The following CSMD2 variants were observed in gnomAD, a reference collection of about 807,000 sequenced individuals.
CSMD2 encodes the protein CUB and Sushi multiple domains 2, also known as CUB and sushi domain-containing protein 2.
A neutral mutation model predicts 398.5 loss-of-function variants in CSMD2; 130 were observed. The observed-to-expected ratio is 0.33, with a 90% confidence interval of 0.28 to 0.38. CSMD2 has a LOEUF of 0.38. Among genes scored for constraint, CSMD2 ranks in the 10% least tolerant of loss-of-function variants. The pLI, the probability that CSMD2 is intolerant of heterozygous loss-of-function variation, is 1.00. For synonymous variants in CSMD2, 1,828 were observed against 1,908.5 expected (o/e 0.96, Z 1.10); for missense variants, 3,829 against 4,764.9 (o/e 0.80, Z 5.78).
intron 1 of CSMD2, among the ~76,000 whole-genome samples, chr1:34,111,261 G>T (rs1184563360): frequency 1.3e-5 from 2 of 152,174 alleles, no homozygotes; most frequent in Non-Finnish European, 2.9e-5. Context: ...AAAGGCCTAG[G>T]AAACCAAACC....
chr1:33,655,887 C>A (rs117693638), intron 27 of CSMD2, among the ~76,000 whole-genome samples: 1 of 152,336 alleles, frequency 6.6e-6, no homozygotes, highest in East Asian at 1.9e-4. Context: ...CCACCCTACC[C>A]ACTGCACATT....
chr1:33,905,005 A>G (rs1271327382), intron 5 of CSMD2, among the ~76,000 whole-genome samples: 6 of 151,574 alleles, frequency 4.0e-5, no homozygotes, highest in Admixed American at 6.6e-5. Flanking sequence ...GGGTCTCCCT[A>G]TGTTGCTCAA....
At chr1:33,720,921 G>A (rs1646338611) in intron 19 of CSMD2, among the ~76,000 whole-genome samples, 1 of 152,030 alleles carries the variant, frequency 6.6e-6, no homozygotes, top group Admixed American at 6.6e-5. Context: ...GGCTGGCCTC[G>A]AACTCCCAAC....
At chr1:33,563,235 A>G (rs1404973471) in intron 53 of CSMD2, among the ~76,000 whole-genome samples, 1 of 151,762 alleles carries the variant, frequency 6.6e-6, no homozygotes, top group East Asian at 1.9e-4. Context: ...TTTATTGAAT[A>G]TGGTCTTAGA....
chr1:34,140,687 T>C (rs1639210281), intron 1 of CSMD2, among the ~76,000 whole-genome samples: 1 of 152,150 alleles, frequency 6.6e-6, no homozygotes. Context: ...TTACACAGGC[T>C]AGTACCAAGC....
At chr1:33,836,877 C>T (rs543662916) in intron 6 of CSMD2, among the ~76,000 whole-genome samples, 3 of 152,194 alleles carry the variant, frequency 2.0e-5, no homozygotes, top group African/African-American at 4.8e-5. Context: ...GTCCTGCACC[C>T]ACTCTCCGAC....
chr1:33,779,527 G>A lies in CSMD2; in HGVS notation c.1664-6776C>T, dbSNP rs76004484. ...ACCATATTTCCTCAGTGTTATTGTC[G>A]CTGCTGTTTGCAGAGCCCAGCCGCC... On this transcript the variant is annotated intron_variant, in intron 12 of 70. Transcript: ENST00000373381. Among the ~76,000 whole-genome samples, 12 of 152,294 alleles carry A rather than the reference G, an allele frequency of 7.9e-5. No homozygotes were observed. In the East Asian group the frequency reaches 1.2e-3, roughly 15 times the overall value.
Position 34,161,715 on chromosome 1 carries a change from G to C in CSMD2, c.187+3196C>G, listed in dbSNP as rs967315612. On this transcript the variant is annotated intron_variant, in intron 1 of 70. Transcript: ENST00000373381. Reference sequence around the variant, plus strand: ...ACAGAGGTTGAAGTAAGGAGTGACGGGTAGTAGAGAAAACTGACATGAAGA... The same window carrying C: ...ACAGAGGTTGAAGTAAGGAGTGACGCGTAGTAGAGAAAACTGACATGAAGA... Among the ~76,000 whole-genome samples, 79 of 152,240 alleles carry C rather than the reference G, an allele frequency of 5.2e-4. 1 individual carries two copies. Among genetic ancestry groups the C allele is most frequent in the African/African-American group, 1.8e-3 (73 of 41,528 alleles).
intron 5 of CSMD2, chr1:33,863,016 A>C (rs1639662899): frequency 6.6e-6 from 1 of 152,206 alleles, no homozygotes; most frequent in Non-Finnish European, 1.5e-5. Flanking sequence ...TGCAGGCAGG[A>C]TGAAGCACAG....
intron 22 of CSMD2, among the ~76,000 whole-genome samples, chr1:33,706,724 A>G (rs570748791): frequency 6.6e-6 from 1 of 152,260 alleles, no homozygotes; most frequent in Admixed American, 6.5e-5. Context: ...GCTAAACTCA[A>G]AGAGGCCGTA....
At chr1:33,542,183 A>G (rs922477865) in intron 58 of CSMD2, among the ~76,000 whole-genome samples, 3 of 152,214 alleles carry the variant, frequency 2.0e-5, no homozygotes, top group Admixed American at 2.0e-4. Context: ...CACTTTTCCC[A>G]GAAAAGAACT....
rs148199011 is a variant in CSMD2, at chr1:33,611,166, C to T, written c.6218G>A (p.Arg2073His). 1.5e-5 allele frequency: 24 copies of T among 1,613,932 alleles called. No homozygotes were observed. The highest frequency in any genetic ancestry group is 3.3e-4 in the Middle Eastern group (2 of 6,062). Reference sequence around the variant, plus strand: ...GCTTCCACTGAATCTTCCCATCATGCGGCTGGTCTCATAGGGGCCATTCCG... The same window carrying T: ...GCTTCCACTGAATCTTCCCATCATGTGGCTGGTCTCATAGGGGCCATTCCG... ...EIRNGPYETS[R>H]MMGRFSGSEL... Residue 2073 changes from arginine to histidine, a missense_variant, in exon 41 of 71, where the codon CGC (arginine) becomes CAC (histidine). Transcript: ENST00000373381.
chr1:33,991,639 G>C (rs1015902927), intron 3 of CSMD2, among the ~76,000 whole-genome samples: 2 of 152,232 alleles, frequency 1.3e-5, no homozygotes, highest in Middle Eastern at 3.4e-3. Context: ...AGGAAGACAC[G>C]GTCTTGCTGT....
chr1:33,872,671 G>C (rs1640558421), intron 5 of CSMD2, among the ~76,000 whole-genome samples: 1 of 152,100 alleles, frequency 6.6e-6, no homozygotes, highest in Non-Finnish European at 1.5e-5. Context: ...AGGTTTCTGA[G>C]AAAACCTATG....
chr1:33,807,438 T>A (rs889783076), intron 10 of CSMD2, among the ~76,000 whole-genome samples: 6 of 152,152 alleles, frequency 3.9e-5, no homozygotes, highest in Non-Finnish European at 8.8e-5. Context: ...CAAGAACTAA[T>A]AGAGTTTATC....
At position 34,160,468 on chromosome 1, in the gene CSMD2, T is replaced by C. The variant is rs1044213089; in HGVS notation, c.187+4443A>G. On this transcript the variant is annotated intron_variant, in intron 1 of 70. Transcript: ENST00000373381. ...GTAACCAAACGGTGATACTTAGTTG[T>C]GGGGAAAGGAACAGGGGACCAGATG... Among the ~76,000 whole-genome samples, 7 of 152,288 alleles carry C rather than the reference T, an allele frequency of 4.6e-5. No homozygotes were observed. In the East Asian group the frequency reaches 1.2e-3, roughly 25 times the overall value.
rs35450508 is a variant in CSMD2, at chr1:33,724,267, C to T, written c.2931G>A (p.Ser977=). The T allele has an allele frequency of 0.027, 44,247 of 1,613,636 alleles. 938 individuals are homozygous for T. The highest frequency in any genetic ancestry group is 0.12 in the East Asian group (5,421 of 44,840). Residue 977 remains serine, a synonymous_variant, in exon 19 of 71, where the codon TCG becomes TCA. Transcript: ENST00000373381. The stretch of plus-strand genomic sequence containing the variant: ...TGGGGTAGAAGTCAGGGAACCCTGG[C>T]GACAAGATGGTCCCACTGGAGCCTT... The part of the protein sequence containing the change: ...FIQGSSGTIL[S]PGFPDFYPNN...
chr1:34,108,540 G>T (rs1478865360), intron 1 of CSMD2, among the ~76,000 whole-genome samples: 5 of 152,202 alleles, frequency 3.3e-5, no homozygotes, highest in Non-Finnish European at 7.3e-5. Context: ...AATGTCCTCA[G>T]GGGAGGCTGT....
At position 33,683,365 on chromosome 1, in the gene CSMD2, T is replaced by C. The variant is rs137898467; in HGVS notation, c.4052+9565A>G. On this transcript the variant is annotated intron_variant, in intron 25 of 70. Transcript: ENST00000373381. The stretch of plus-strand genomic sequence containing the variant: ...AAAATTTTGTATTTTTTTAGGGAGA[T>C]GGTTCTCTTTTAATGAGTGGTATGT... Among the ~76,000 whole-genome samples, 41 of 152,298 alleles carry C rather than the reference T, an allele frequency of 2.7e-4. No homozygotes were observed. In the East Asian group the frequency reaches 3.7e-3, roughly 14 times the overall value.
Sources: allele counts gnomAD v4.1 joint callset (sites outside exome capture counted in the v4.1 genomes callset), GRCh38; gene constraint gnomAD v4.1.1; transcripts MANE v1.5; gene names NCBI Gene and HGNC (gene_info 2026-07-23, HGNC 2026-07-21).